SAMD12: variants seen among roughly 807,000 people sequenced by gnomAD.
SAMD12 encodes the protein sterile alpha motif domain-containing protein 12.
A neutral mutation model predicts 15.0 loss-of-function variants in SAMD12; 9 were observed. The observed-to-expected ratio is 0.60, with a 90% CI of 0.36 to 1.05. The LOEUF is 1.05. Among genes scored for constraint, SAMD12 ranks in the 50% least tolerant of loss-of-function variants. SAMD12 has a pLI of 0.01. For missense variants in SAMD12, 230 were observed against 234.2 expected (o/e 0.98, Z 0.12); for synonymous variants, 86 against 90.1 (o/e 0.96, Z 0.25).
chr8:118,519,453 T>C (rs1247337545), intron 2 of SAMD12, among the ~76,000 whole-genome samples: 1 of 152,240 alleles, frequency 6.6e-6, no homozygotes, highest in Non-Finnish European at 1.5e-5. Flanking sequence ...GACAATCTTA[T>C]ATTTTTTCTC....
intron 4 of SAMD12, among the ~76,000 whole-genome samples, chr8:118,207,477 C>T (rs950191772): frequency 6.6e-6 from 1 of 152,154 alleles, no homozygotes; most frequent in Non-Finnish European, 1.5e-5. Flanking sequence ...ACTCTGTCCA[C>T]TGGCACAAAA....
chr8:118,465,355 T>A (rs370696309), intron 2 of SAMD12, among the ~76,000 whole-genome samples: 2 of 152,134 alleles, frequency 1.3e-5, no homozygotes. Flanking sequence ...ACAAGCAACA[T>A]TTATTTTATT....
chr8:118,358,625 CT>C (rs899587361), intron 4 of SAMD12, among the ~76,000 whole-genome samples: 27 of 152,036 alleles, frequency 1.8e-4, no homozygotes, highest in African/African-American at 5.8e-4. Flanking sequence ...CATAATTATA[CT>C]TTTTTTTGTT....
chr8:118,240,180 T>G (rs1016051113), intron 4 of SAMD12, among the ~76,000 whole-genome samples: 9 of 152,090 alleles, frequency 5.9e-5, no homozygotes, highest in African/African-American at 2.2e-4. Context: ...AACAGCCACG[T>G]GAGTGATGTT....
chr8:118,420,773 G>C (rs1821960322), intron 3 of SAMD12, among the ~76,000 whole-genome samples: 1 of 152,102 alleles, frequency 6.6e-6, no homozygotes, highest in South Asian at 2.1e-4. Context: ...CACATTTTTA[G>C]AAAAGAATTC....
the SAMD12 span, among the ~76,000 whole-genome samples, chr8:118,157,411 G>A: frequency 6.6e-6 from 1 of 152,154 alleles, no homozygotes; most frequent in African/African-American, 2.4e-5. Context: ...TTACCTCCAG[G>A]GACAGAAGGT....
At chr8:118,209,509 A>G (rs760333123) in intron 4 of SAMD12, among the ~76,000 whole-genome samples, 4 of 152,148 alleles carry the variant, frequency 2.6e-5, no homozygotes, top group Admixed American at 6.5e-5. Context: ...GGACTGGGCT[A>G]TTTCTTTTGT....
At chr8:118,261,700 TG>T (rs2130066612) in intron 4 of SAMD12, among the ~76,000 whole-genome samples, 1 of 151,940 alleles carries the variant, frequency 6.6e-6, no homozygotes, top group South Asian at 2.1e-4. Context: ...TGATAGCTAG[TG>T]ACCATTTATA....
At chr8:118,296,415 G>A (rs577332667) in intron 4 of SAMD12, among the ~76,000 whole-genome samples, 2 of 152,194 alleles carry the variant, frequency 1.3e-5, no homozygotes, top group Non-Finnish European at 2.9e-5. Flanking sequence ...GATCATTCAT[G>A]CCAGGTTGGC....
chr8:118,619,187 A>G (rs1828324748), intron 1 of SAMD12, among the ~76,000 whole-genome samples: 1 of 152,128 alleles, frequency 6.6e-6, no homozygotes, highest in Non-Finnish European at 1.5e-5. Context: ...GTAGAGGTAA[A>G]CTGTTCTAAA....
At chr8:118,155,834 G>C in the SAMD12 span, among the ~76,000 whole-genome samples, 1 of 152,298 alleles carries the variant, frequency 6.6e-6, no homozygotes, top group South Asian at 2.1e-4. Context: ...AGTTGAATAA[G>C]GTGAAGCAGC....
chr8:118,323,397 T>C (rs768800134), intron 4 of SAMD12, among the ~76,000 whole-genome samples: 2 of 152,096 alleles, frequency 1.3e-5, no homozygotes, highest in Non-Finnish European at 2.9e-5. Flanking sequence ...TCTAGTAGAA[T>C]GTCTGACATA....
chr8:118,258,100 C>T (rs1812995188), intron 4 of SAMD12, among the ~76,000 whole-genome samples: 1 of 152,056 alleles, frequency 6.6e-6, no homozygotes, highest in South Asian at 2.1e-4. Context: ...TCTCTCTGTC[C>T]TTTGAAAGGC....
At chr8:118,405,687 G>GGAAGGGAGGGAGAGA (rs1395122443) in intron 3 of SAMD12, among the ~76,000 whole-genome samples, 1 of 151,934 alleles carries the variant, frequency 6.6e-6, no homozygotes, top group Non-Finnish European at 1.5e-5. Context: ...AGAAAGAAAA[G>GGAAGGGAGGGAGAGA]GAAGGGAGGG....
intron 1 of SAMD12, among the ~76,000 whole-genome samples, chr8:118,616,479 T>C (rs1230472329): frequency 6.6e-6 from 1 of 152,148 alleles, no homozygotes; most frequent in East Asian, 1.9e-4. Context: ...ACCAAGAGAA[T>C]CACACAGAGG....
intron 2 of SAMD12, among the ~76,000 whole-genome samples, chr8:118,526,447 A>G (rs1434439290): frequency 2.6e-5 from 4 of 152,114 alleles, no homozygotes; most frequent in Non-Finnish European, 5.9e-5. Context: ...CTGCTTTGGT[A>G]GCTCTGGGAT....
chr8:118,346,875 A>C (rs561786315), intron 4 of SAMD12, among the ~76,000 whole-genome samples: 53 of 152,304 alleles, frequency 3.5e-4, no homozygotes, highest in African/African-American at 1.3e-3. Context: ...AATGTCTATG[A>C]GGCAAGCTCA....
At chr8:118,553,749 C>T (rs1300156474) in intron 2 of SAMD12, among the ~76,000 whole-genome samples, 12 of 151,314 alleles carry the variant, frequency 7.9e-5, no homozygotes, top group Admixed American at 2.0e-4. Flanking sequence ...ACAGGCAACC[C>T]ACAAAATGGG....
intron 2 of SAMD12, among the ~76,000 whole-genome samples, chr8:118,498,833 GTAGATAGACC>G (rs2131034182): frequency 1.3e-5 from 2 of 152,278 alleles, no homozygotes; most frequent in Non-Finnish European, 2.9e-5. Flanking sequence ...CATAGAAATG[GTAGATAGACC>G]TAGAGGACAG....
Sources: gnomAD v4.1 joint callset for allele counts (sites outside exome capture counted in the v4.1 genomes callset) on GRCh38, gnomAD v4.1.1 for gene constraint, MANE v1.5 for transcripts, NCBI Gene and HGNC (gene_info 2026-07-23, HGNC 2026-07-21) for gene names.